The following SLC5A4 variants were observed in gnomAD, a reference collection of about 807,000 sequenced individuals.
SLC5A4 encodes the protein probable glucose sensor protein SLC5A4.
SLC5A4 carries 55 observed loss-of-function variants against 70.3 expected under a neutral mutation model. The observed-to-expected ratio is 0.78, with a 90% CI of 0.63 to 0.98. The LOEUF (loss-of-function observed/expected upper bound fraction) is 0.98, where lower values mean the gene tolerates loss of function less well. Ranked by LOEUF, SLC5A4 falls within the 50% of genes least tolerant of loss-of-function variation. SLC5A4 has a pLI of 0.00. For synonymous variants in SLC5A4, 268 were observed against 305.7 expected, an observed-to-expected ratio of 0.88 and a Z score of 1.29; for missense variants, 735 against 839.2, an observed-to-expected ratio of 0.88 and a Z score of 1.53.
At chr22:32,223,054 T>C (rs1925177166) in intron 13 of SLC5A4, among the ~76,000 whole-genome samples, 1 of 152,130 alleles carries the variant, frequency 6.6e-6, no homozygotes, top group African/African-American at 2.4e-5. Flanking sequence ...TATTATACAT[T>C]ATTATATTAT....
chr22:32,337,173 T>C, the SLC5A4 span, among the ~76,000 whole-genome samples: 45 of 152,332 alleles, frequency 3.0e-4, no homozygotes, highest in African/African-American at 8.2e-4. Context: ...CAGGACCACC[T>C]TGCCTCTTGT....
the SLC5A4 span, among the ~76,000 whole-genome samples, chr22:32,285,717 ATTTT>A: frequency 1.3e-5 from 1 of 79,878 alleles, no homozygotes; most frequent in African/African-American, 4.6e-5. Context: ...TTTTATTTTT[ATTTT>A]ATTTTATTTT....
the SLC5A4 span, among the ~76,000 whole-genome samples, chr22:32,331,708 T>C: frequency 2.6e-5 from 4 of 152,012 alleles, no homozygotes; most frequent in African/African-American, 7.3e-5. Context: ...GACGTGGGCA[T>C]GGGAAGCAAG....
chr22:32,266,688 GA>G, the SLC5A4 span, among the ~76,000 whole-genome samples: 1 of 152,200 alleles, frequency 6.6e-6, no homozygotes, highest in Admixed American at 6.5e-5. Flanking sequence ...CATAACTTTT[GA>G]CTTCCCAATA....
chr22:32,234,406 T>C (rs1458577817), intron 8 of SLC5A4, among the ~76,000 whole-genome samples: 1 of 152,040 alleles, frequency 6.6e-6, no homozygotes, highest in Admixed American at 6.6e-5. Context: ...GTAGAAGTGT[T>C]TGACTCTTTA....
At chr22:32,227,603 A>G (rs777039564) in intron 11 of SLC5A4, among the ~76,000 whole-genome samples, 2 of 152,228 alleles carry the variant, frequency 1.3e-5, no homozygotes, top group African/African-American at 2.4e-5. Context: ...AGCTACACAT[A>G]GCAACACGGT....
At chr22:32,325,209 GGCTGGGT>G in the SLC5A4 span, among the ~76,000 whole-genome samples, 19 of 151,742 alleles carry the variant, frequency 1.3e-4, no homozygotes, top group Middle Eastern at 3.4e-3. Context: ...GCCAGGCCTG[GGCTGGGT>G]GCTGGGGGCT....
intron 10 of SLC5A4, 127 bp downstream of exon 10, chr22:32,230,841 G>T (rs985388582): frequency 1.6e-5 from 10 of 638,486 alleles, no homozygotes; most frequent in Non-Finnish European, 2.3e-5. Flanking sequence ...ACCTGTAGAA[G>T]GTGCTCAAGA....
chr22:32,300,552 C>T, the SLC5A4 span, among the ~76,000 whole-genome samples: 3 of 151,032 alleles, frequency 2.0e-5, no homozygotes, highest in Non-Finnish European at 1.5e-5. Flanking sequence ...GACCTGCGCC[C>T]ACTGTCTGGC....
At chr22:32,246,096 A>G (rs1470191091) in intron 5 of SLC5A4, among the ~76,000 whole-genome samples, 1 of 152,204 alleles carries the variant, frequency 6.6e-6, no homozygotes, top group Admixed American at 6.5e-5. Context: ...CTAGTTCAGC[A>G]TGTATTTTAG....
chr22:32,228,761 A>T (rs967144484), intron 11 of SLC5A4, among the ~76,000 whole-genome samples: 1 of 152,092 alleles, frequency 6.6e-6, no homozygotes, highest in African/African-American at 2.4e-5. Context: ...CAGCCCAATC[A>T]TTAATGAATA....
the SLC5A4 span, among the ~76,000 whole-genome samples, chr22:32,299,663 T>C: frequency 1.0e-5 from 1 of 99,756 alleles, no homozygotes; most frequent in Admixed American, 1.1e-4. Flanking sequence ...CTCGTCAAAG[T>C]CATTCTCTAT....
At chr22:32,282,953 C>CT in the SLC5A4 span, among the ~76,000 whole-genome samples, 2 of 152,236 alleles carry the variant, frequency 1.3e-5, no homozygotes, top group Non-Finnish European at 2.9e-5. Flanking sequence ...CTGCTCTCAG[C>CT]ACTGCAGTCA....
chr22:32,324,267 G>GTATATATA, the SLC5A4 span, among the ~76,000 whole-genome samples: 6 of 121,368 alleles, frequency 4.9e-5, no homozygotes, highest in African/African-American at 1.7e-4. Context: ...ACACATATAT[G>GTATATATA]TATATATATA....
chr22:32,306,243 A>G, the SLC5A4 span, among the ~76,000 whole-genome samples: 3 of 152,186 alleles, frequency 2.0e-5, no homozygotes, highest in African/African-American at 7.2e-5. Context: ...AGGCAGGCAG[A>G]TCACGAGGTT....
At chr22:32,337,251 G>A in the SLC5A4 span, among the ~76,000 whole-genome samples, 2 of 152,222 alleles carry the variant, frequency 1.3e-5, no homozygotes, top group South Asian at 4.1e-4. Context: ...CTGTTTTCCT[G>A]TGCACATAAG....
chr22:32,342,852 G>A, the SLC5A4 span, among the ~76,000 whole-genome samples: 5 of 152,290 alleles, frequency 3.3e-5, no homozygotes, highest in East Asian at 1.9e-4. Flanking sequence ...TACAGAGCAT[G>A]AGAAAACTAG....
chr22:32,316,650 C>G, the SLC5A4 span, among the ~76,000 whole-genome samples: 4 of 152,152 alleles, frequency 2.6e-5, no homozygotes, highest in Non-Finnish European at 5.9e-5. Flanking sequence ...CTGCCTCAGC[C>G]TCCTGAGTAG....
chr22:32,310,090 T>A, the SLC5A4 span, among the ~76,000 whole-genome samples: 1 of 128,604 alleles, frequency 7.8e-6, no homozygotes, highest in African/African-American at 2.9e-5. Flanking sequence ...ATGGGGGGGG[T>A]GGCAGAAGGA....
Sources: gnomAD v4.1 joint callset for allele counts (sites outside exome capture counted in the v4.1 genomes callset) on GRCh38, gnomAD v4.1.1 for gene constraint, MANE v1.5 for transcripts, NCBI Gene and HGNC (gene_info 2026-07-23, HGNC 2026-07-21) for gene names.